The following RNF213 variants were observed in gnomAD, a reference collection of about 807,000 sequenced individuals.
RNF213 encodes the protein ring finger protein 213.
Under a neutral mutation model 514.4 loss-of-function variants are expected in RNF213, and 341 were observed. The observed-to-expected ratio is 0.66, with a 90% CI of 0.61 to 0.73. The LOEUF is 0.73. RNF213 is among the 30% of genes least tolerant of loss of function. RNF213 has a pLI of 0.00. For synonymous variants in RNF213, 2,655 were observed against 2,658.2 expected, an observed-to-expected ratio of 1.00 and a Z score of 0.04; for missense variants, 5,767 against 6,615.6, an observed-to-expected ratio of 0.87 and a Z score of 4.45.
chr17:80,357,072 C>A (rs1193348407), intron 36 of RNF213, among the ~76,000 whole-genome samples: 2 of 152,004 alleles, frequency 1.3e-5, no homozygotes, highest in African/African-American at 4.8e-5. Context: ...GTGCCTGCCA[C>A]CACGACTGTA....
chr17:80,354,770 T>G (rs1292583188), intron 36 of RNF213, 194 bp downstream of exon 36: 1 of 650,650 alleles, frequency 1.5e-6, no homozygotes, highest in Non-Finnish European at 2.7e-6. Flanking sequence ...TGGCAGGTGC[T>G]GGACTCTTCC....
In RNF213 at chr17:80,353,208, G is replaced by A; in HGVS notation, c.10423+149G>A. ...GGGGACACATCTGCAGAACTGACTGGTGGCTCATCATAGAGCACCAGGGCC... is the reference window on the plus strand; with the variant it reads ...GGGGACACATCTGCAGAACTGACTGATGGCTCATCATAGAGCACCAGGGCC... On this transcript the variant is annotated intron_variant, in intron 33 of 67. Coordinates refer to ENST00000582970, the MANE Select transcript of RNF213 (RefSeq NM_001256071.3). This position sits in a 1 kb window ranked among gnomAD's most constrained non-coding sequence, Gnocchi z 5.0. 8.9e-7 allele frequency: 1 copy of A among 1,126,566 alleles called. No homozygotes were observed. The highest frequency in any genetic ancestry group is 1.3e-6 in the Non-Finnish European group (1 of 774,912). 69.8% of individuals were successfully genotyped at this position (1,126,566 alleles called of 1,614,324 possible).
intron 17 of RNF213, chr17:80,321,259 A>G (rs1444225020): frequency 6.6e-6 from 1 of 152,242 alleles, no homozygotes; most frequent in Non-Finnish European, 1.5e-5. Flanking sequence ...CAAAGTTTGT[A>G]TTAAGTATTT....
At chr17:80,388,548 G>A (rs1274051990) in intron 63 of RNF213, 64 bp from the exon 64 acceptor site, 2 of 1,105,660 alleles carry the variant, frequency 1.8e-6, no homozygotes, top group East Asian at 4.7e-5. Context: ...GATTCTGTTT[G>A]TCATCTGCTG....
intron 2 of RNF213, among the ~76,000 whole-genome samples, chr17:80,271,096 CTGGTGGGAGGGTAGGT>C (rs67535549): frequency 0.52 from 79,146 of 151,058 alleles, 21,412 homozygotes; most frequent in African/African-American, 0.65. Context: ...GGGCCCGCCC[CTGGTGGGAGGGTAGGT>C]TGGTGGGAGG....
chr17:80,388,524 GT>G lies in RNF213; in HGVS notation c.14923-84del, dbSNP rs753203087. 9.3e-5 allele frequency: 87 copies of G among 937,758 alleles called. No homozygotes were observed. In the African/African-American group the frequency reaches 1.2e-3, roughly 13 times the overall value. 58.1% of individuals were successfully genotyped at this position (937,758 alleles called of 1,614,324 possible). A position where few individuals can be genotyped will look rare whatever the true frequency, so the allele number is the denominator to read the frequency against. ...CAGGGCAGCGCGGCACTACGCTGCA[GT>G]TTTCCGGCTGCAGATTCTGTTTGTC... On this transcript the variant is annotated intron_variant, in intron 63 of 67. Coordinates refer to ENST00000582970, the MANE Select transcript of RNF213 (RefSeq NM_001256071.3).
rs1172519913 is a variant in RNF213 at position 80,334,119 on chromosome 17, C to A, written c.4158C>A (p.Asp1386Glu). 6.5e-7 allele frequency: 1 copy of A among 1,537,166 alleles called. No homozygotes were observed. Among genetic ancestry groups the A allele is most frequent in the Non-Finnish European group, 8.7e-7 (1 of 1,146,892 alleles). Reference sequence around the variant, plus strand: ...TTTTCTTGCAGACTGATAACTTCGACGACTTTCGCCGTGAAACACTGGACC... The same window carrying A: ...TTTTCTTGCAGACTGATAACTTCGAAGACTTTCGCCGTGAAACACTGGACC... The part of the protein sequence containing the change: ...NTLLNFTDNF[D>E]DFRRETLDQI... The change falls in exon 22 of 68, where the codon GAC becomes GAA. Residue 1386 changes from aspartate to glutamate, a missense_variant. Transcript: ENST00000582970.
rs2144694375 is a variant in RNF213, at chr17:80,394,923, A to T, written c.*1425A>T. The stretch of plus-strand genomic sequence containing the variant: ...ACCTGCCACCGAGATCTGCATTCCG[A>T]CTGCCTATGAACGGGTGTGGGGGCC... On this transcript the variant is annotated 3_prime_UTR_variant, in exon 68 of 68. Transcript: ENST00000582970. The T allele has an allele frequency of 6.6e-6, 1 of 151,766 alleles. No individual in the cohort carries two copies. Among genetic ancestry groups the T allele is most frequent in the South Asian group, 2.1e-4 (1 of 4,776 alleles). 9.4% of individuals were successfully genotyped at this position (151,766 alleles called of 1,614,324 possible). A position where few individuals can be genotyped will look rare whatever the true frequency, so the allele number is the denominator to read the frequency against.
chr17:80,277,706 C>G (rs183109497), intron 3 of RNF213, among the ~76,000 whole-genome samples: 154 of 151,396 alleles, frequency 1.0e-3, no homozygotes, highest in African/African-American at 3.5e-3. Context: ...GATGAGTTTA[C>G]AGGGGCTTTT....
intron 14 of RNF213, among the ~76,000 whole-genome samples, chr17:80,310,628 C>T (rs2045538626): frequency 1.3e-5 from 2 of 151,974 alleles, no homozygotes; most frequent in South Asian, 4.2e-4. Flanking sequence ...TCTCGGCTCA[C>T]CACAACCTCC....
At chr17:80,367,715 C>A in intron 42 of RNF213, 33 bp from the exon 43 acceptor site, 1 of 1,587,694 alleles carries the variant, frequency 6.3e-7, no homozygotes, top group Non-Finnish European at 8.6e-7. Context: ...GCCCTCCCCC[C>A]TGCTAATGAC....
chr17:80,363,701 G>T lies in RNF213; in HGVS notation c.11661G>T (p.Lys3887Asn). ...PSPQAWLQLV[K>N]NLSMPLELIC... The stretch of plus-strand genomic sequence containing the variant: ...CCCAGGCGTGGCTACAGTTGGTGAA[G>T]AATCTTTCCATGCCGCTGGAGCTCA... Residue 3887 changes from lysine to asparagine, a missense_variant, in exon 41 of 68, where the codon AAG (lysine) becomes AAT (asparagine). Physicochemically the swap from Lys to Asn is moderately conservative, Grantham distance 94. This residue lies in a region of RNF213 where 355 missense variants were observed against 358.0 expected (regional missense o/e 0.99). Coordinates refer to ENST00000582970, the MANE Select transcript of RNF213 (RefSeq NM_001256071.3). 1 of 1,614,002 alleles carries T rather than the reference G, an allele frequency of 6.2e-7. No individual in the cohort carries two copies. Among genetic ancestry groups the T allele is most frequent in the Non-Finnish European group, 8.5e-7 (1 of 1,179,982 alleles).
In RNF213 at chr17:80,347,766, C is replaced by G. The variant is rs1256326268; in HGVS notation, c.9431C>G (p.Pro3144Arg). ...CACCGCGTCAAATGTCGGGTTCACC[C>G]CAACTTCCGCCTGATTGTCATTGAA... ...GTHRVKCRVHPNFRLIVIEEK... is the reference protein window; with the variant it reads ...GTHRVKCRVHRNFRLIVIEEK... Residue 3144 changes from proline to arginine, a missense_variant, in exon 29 of 68, where the codon CCC becomes CGC. Transcript: ENST00000582970. This position sits in a 1 kb window ranked among gnomAD's most constrained non-coding sequence, Gnocchi z 7.2. 6.2e-7 allele frequency: 1 copy of G among 1,614,182 alleles called. No individual in the cohort carries two copies. The highest frequency in any genetic ancestry group is 1.7e-5 in the Admixed American group (1 of 60,030).
intron 40 of RNF213, 125 bp from the exon 41 acceptor site, chr17:80,363,484 C>T: frequency 7.9e-7 from 1 of 1,266,938 alleles, no homozygotes; most frequent in Non-Finnish European, 1.1e-6. Context: ...CTTCTCACAT[C>T]CTAGACAATG....
chr17:80,308,638 C>T (rs56273945), intron 13 of RNF213, among the ~76,000 whole-genome samples: 8,976 of 152,234 alleles, frequency 0.059, 892 homozygotes, highest in African/African-American at 0.21. Flanking sequence ...ACGGGCTGCA[C>T]GCTCTTCTAC....
chr17:80,398,623 G>A lies in RNF213; in HGVS notation c.*5125G>A, dbSNP rs2080706821. The A allele has an allele frequency of 8.9e-6, 1 of 112,504 alleles. No homozygotes were observed. The highest frequency in any genetic ancestry group is 1.7e-5 in the Non-Finnish European group (1 of 59,104). 7.0% of individuals were successfully genotyped at this position (112,504 alleles called of 1,614,324 possible). A position where few individuals can be genotyped will look rare whatever the true frequency, so the allele number is the denominator to read the frequency against. On this transcript the variant is annotated 3_prime_UTR_variant, in exon 68 of 68. Transcript: ENST00000582970. ...CTCCCCACCCGCCCGCCCCAACAGT[G>A]GTTGAGAGAACAGCAGCATAAGTGG...
intron 7 of RNF213, among the ~76,000 whole-genome samples, chr17:80,291,264 T>TTC: frequency 6.8e-6 from 1 of 146,748 alleles, no homozygotes; most frequent in East Asian, 2.0e-4. Context: ...TTCTTATAAT[T>TTC]TTTTTTTTTT....
intron 28 of RNF213, 108 bp downstream of exon 28, chr17:80,344,123 T>C: frequency 8.5e-7 from 1 of 1,174,826 alleles, no homozygotes; most frequent in East Asian, 2.4e-5. Context: ...TTGCCTTACT[T>C]AGTGCAGCAG....
At chr17:80,379,552 CATGATGGCATTTGT>C in intron 54 of RNF213, 54 bp from the exon 55 acceptor site, 2 of 1,390,370 alleles carry the variant, frequency 1.4e-6, no homozygotes, top group Non-Finnish European at 2.0e-6. Context: ...TGTTCATTTG[CATGATGGCATTTGT>C]GCATAAAATG....
Sources: allele counts gnomAD v4.1 joint callset (sites outside exome capture counted in the v4.1 genomes callset), GRCh38; gene constraint gnomAD v4.1.1; regional missense constraint gnomAD v4.1.1; non-coding constraint Gnocchi (gnomAD v3.1); transcripts MANE v1.5; gene names NCBI Gene and HGNC (gene_info 2026-07-23, HGNC 2026-07-21).